WDCP: variants seen among roughly 807,000 people sequenced by gnomAD.
WDCP encodes the protein WD repeat and coiled-coil-containing protein.
Under a neutral mutation model 41.6 loss-of-function variants are expected in WDCP, and 19 were observed. That is an observed-to-expected ratio of 0.46 (90% CI 0.32 to 0.67). The LOEUF (loss-of-function observed/expected upper bound fraction) is 0.67. Among genes scored for constraint, WDCP ranks in the 30% least tolerant of loss-of-function variants. The pLI is 0.04. For synonymous variants in WDCP, 302 were observed against 320.8 expected, an observed-to-expected ratio of 0.94 and a Z score of 0.63; for missense variants, 802 against 850.7, an observed-to-expected ratio of 0.94 and a Z score of 0.71.
intron 2 of WDCP, 107 bp downstream of exon 2, chr2:24,037,570 G>A: frequency 7.9e-7 from 1 of 1,272,632 alleles, no homozygotes. Flanking sequence ...GCCCAGCTTA[G>A]TGAAGCTCAG....
Position 24,038,925 on chromosome 2 carries a change from A to G in WDCP, c.570T>C (p.Thr190=), listed in dbSNP as rs1347053027. Residue 190 remains threonine, a synonymous_variant, in exon 2 of 4, where the codon ACT becomes ACC. Coordinates refer to ENST00000295148, the MANE Select transcript of WDCP (RefSeq NM_025203.3). The part of the protein sequence containing the change: ...HSYIWDSAQK[T]LHRCSSCLVF... Reference sequence around the variant, plus strand: ...CCAGGCAGGAGGAGCACCTGTGAAGAGTCTTCTGAGCGCTGTCCCAAATAT... The same window carrying G: ...CCAGGCAGGAGGAGCACCTGTGAAGGGTCTTCTGAGCGCTGTCCCAAATAT... The G allele has an allele frequency of 6.2e-7, 1 of 1,614,098 alleles. No homozygotes were observed. The highest frequency in any genetic ancestry group is 8.5e-7 in the Non-Finnish European group (1 of 1,180,044).
chr2:24,039,278 TATC>T lies in WDCP; in HGVS notation c.214_216del (p.Asp72del), dbSNP rs1319955134. On this transcript the variant is annotated inframe_deletion, in exon 2 of 4. Coordinates refer to ENST00000295148, the MANE Select transcript of WDCP (RefSeq NM_025203.3). ...TGCTGGACAGCGAGTAGAACAGGTG[TATC>T]ATCTGCAACAGGTGGGGCCCAGGAC... The T allele has an allele frequency of 4.3e-6, 7 of 1,614,202 alleles. No homozygotes were observed. Among genetic ancestry groups the T allele is most frequent in the Non-Finnish European group, 5.9e-6 (7 of 1,180,034 alleles).
In WDCP at chr2:24,041,145, C is replaced by A. The variant is rs889241058; in HGVS notation, c.-18-1633G>T. On this transcript the variant is annotated intron_variant, in intron 1 of 3. Transcript: ENST00000295148. The stretch of plus-strand genomic sequence containing the variant: ...CCTGAGGTCAGGAGTTTGAGACCAG[C>A]CTGGCCAACATGGTGTAACCCTGTT... Among the ~76,000 whole-genome samples, 6 of 151,996 alleles carry A rather than the reference C, an allele frequency of 3.9e-5. No homozygotes were observed. The East Asian group carries it at 1.2e-3, about 29-fold the overall frequency.
In WDCP at chr2:24,032,880, G is replaced by A. The variant is rs377371235; in HGVS notation, c.1885C>T (p.Leu629Phe). The change falls in exon 3 of 4, where the codon CTC becomes TTC. Residue 629 changes from leucine (L) to phenylalanine (F), a missense_variant. Transcript: ENST00000295148. ...AVLLCDGKLR[L>F]STVQQTFGLS... ...CCAAAAGTCTGCTGAACTGTACTGAGCCTTAGTTTACCATCACAGAGAAGC... is the reference window on the plus strand; with the variant it reads ...CCAAAAGTCTGCTGAACTGTACTGAACCTTAGTTTACCATCACAGAGAAGC... The A allele has an allele frequency of 6.8e-6, 11 of 1,613,830 alleles. No homozygotes were observed. The highest frequency in any genetic ancestry group is 8.5e-6 in the Non-Finnish European group (10 of 1,179,804).
At chr2:24,036,171 A>T (rs1487063351) in intron 2 of WDCP, among the ~76,000 whole-genome samples, 1 of 151,846 alleles carries the variant, frequency 6.6e-6, no homozygotes, top group Non-Finnish European at 1.5e-5. Flanking sequence ...TACTACTGAA[A>T]ACTCCATGTA....
chr2:24,043,526 C>A (rs1236164852), intron 1 of WDCP, among the ~76,000 whole-genome samples: 5 of 152,034 alleles, frequency 3.3e-5, no homozygotes, highest in Admixed American at 3.3e-4. Context: ...AACCCCCCAA[C>A]AATCTACAAA....
chr2:24,037,720 T>A lies in WDCP; in HGVS notation c.1775A>T (p.Tyr592Phe), dbSNP rs750056319. 4 of 1,614,044 alleles carry A rather than the reference T, an allele frequency of 2.5e-6. No homozygotes were observed. The highest frequency in any genetic ancestry group is 2.5e-6 in the Non-Finnish European group (3 of 1,179,978). Residue 592 changes from tyrosine to phenylalanine, a missense_variant, in exon 2 of 4, where the codon TAT (tyrosine) becomes TTT (phenylalanine). Tyr to Phe is a conservative substitution (Grantham distance 22). Transcript: ENST00000295148. Reference sequence around the variant, plus strand: ...ATAAGGAAGATCTTGAGAGAGTGGATACACTGAAGAGGATTTCTTCCCATT... The same window carrying A: ...ATAAGGAAGATCTTGAGAGAGTGGAAACACTGAAGAGGATTTCTTCCCATT... ...LHNGKKSSSV[Y>F]PLSQDLPYVH...
intron 3 of WDCP, 98 bp from the exon 4 acceptor site, chr2:24,031,260 T>A: frequency 1.3e-6 from 1 of 747,948 alleles, no homozygotes; most frequent in South Asian, 1.9e-5. Context: ...AGGAATATAG[T>A]AGTTGATAAT....
intron 3 of WDCP, among the ~76,000 whole-genome samples, chr2:24,032,350 A>G (rs559491519): frequency 5.0e-4 from 76 of 152,320 alleles, no homozygotes; most frequent in Admixed American, 3.5e-3. Flanking sequence ...AAAATACAAA[A>G]AATTAGCCAG....
chr2:24,038,259 T>C lies in WDCP; in HGVS notation c.1236A>G (p.Thr412=). The C allele has an allele frequency of 6.2e-7, 1 of 1,614,122 alleles. No individual in the cohort carries two copies. Among genetic ancestry groups the C allele is most frequent in the Middle Eastern group, 1.6e-4 (1 of 6,062 alleles). The stretch of plus-strand genomic sequence containing the variant: ...GATCAGACTTTGAAGAAGGAAGAAA[T>C]GTTGTATCAGTGAGTTTTTGTTTTC... ...LVGKQKLTDT[T]FLPSSKSDQY... The change falls in exon 2 of 4, where the codon ACA becomes ACG. Residue 412 remains threonine, a synonymous_variant. Coordinates refer to ENST00000295148, the MANE Select transcript of WDCP (RefSeq NM_025203.3).
Position 24,037,841 on chromosome 2 carries a change from T to G in WDCP, c.1654A>C (p.Lys552Gln). ...TCCTTAGACAGCTGATAAGTTTCCT[T>G]TTCACTTTGTAAGTTCTTTCTTTGA... Reference protein sequence around the residue: ...LPQRKNLQSEKETYQLSKEVE... With the variant: ...LPQRKNLQSEQETYQLSKEVE... The change falls in exon 2 of 4, where the codon AAG (lysine) becomes CAG (glutamine). Residue 552 changes from lysine (K) to glutamine (Q), a missense_variant. Coordinates refer to ENST00000295148, the MANE Select transcript of WDCP (RefSeq NM_025203.3). 1 of 1,614,210 alleles carries G rather than the reference T, an allele frequency of 6.2e-7. No homozygotes were observed. The highest frequency in any genetic ancestry group is 8.5e-7 in the Non-Finnish European group (1 of 1,180,036).
At chr2:24,033,417 A>T (rs1663155318) in intron 2 of WDCP, among the ~76,000 whole-genome samples, 2 of 152,230 alleles carry the variant, frequency 1.3e-5, no homozygotes, top group Non-Finnish European at 2.9e-5. Context: ...AAAAAGCACA[A>T]ATAAAAATAA....
chr2:24,047,391 T>C lies in WDCP; in HGVS notation c.-96A>G, dbSNP rs1463929119. The C allele has an allele frequency of 6.6e-6, 1 of 152,192 alleles. No individual in the cohort carries two copies. Among genetic ancestry groups the C allele is most frequent in the Non-Finnish European group, 1.5e-5 (1 of 68,064 alleles). The allele number at this position is 152,192 out of a possible 1,614,324, so 9.4% of individuals were successfully genotyped here. On this transcript the variant is annotated 5_prime_UTR_variant, in exon 1 of 4. Coordinates refer to ENST00000295148, the MANE Select transcript of WDCP (RefSeq NM_025203.3). ...TCACGCCGCCGCACATAAGAAGTTC[T>C]GGGCAGCCACCGGAAGCACCGGCCC...
intron 1 of WDCP, 130 bp from the exon 2 acceptor site, chr2:24,039,642 G>A: frequency 1.4e-6 from 1 of 734,504 alleles, no homozygotes; most frequent in Non-Finnish European, 2.2e-6. Context: ...GACAGGGGGA[G>A]TATTATAAAT....
At chr2:24,045,550 G>A (rs1286348428) in intron 1 of WDCP, among the ~76,000 whole-genome samples, 2 of 147,754 alleles carry the variant, frequency 1.4e-5, no homozygotes, top group African/African-American at 2.5e-5. Flanking sequence ...GCAGTGAGCC[G>A]AGTTTGCGCC....
chr2:24,043,411 C>T (rs1469967281), intron 1 of WDCP, among the ~76,000 whole-genome samples: 2 of 151,950 alleles, frequency 1.3e-5, no homozygotes. Context: ...TTTAGGAGGC[C>T]AAGGCAGAAG....
In WDCP at chr2:24,029,536, T is replaced by C. The variant is rs572167949; in HGVS notation, c.*1397A>G. The C allele has an allele frequency of 2.0e-5, 3 of 152,310 alleles. No homozygotes were observed. In the South Asian group the frequency reaches 6.2e-4, roughly 32 times the overall value. 9.4% of individuals were successfully genotyped at this position (152,310 alleles called of 1,614,324 possible). A position where few individuals can be genotyped will look rare whatever the true frequency, so the allele number is the denominator to read the frequency against. On this transcript the variant is annotated 3_prime_UTR_variant, in exon 4 of 4. Coordinates refer to ENST00000295148, the MANE Select transcript of WDCP (RefSeq NM_025203.3). ...CCAAGTGGAGCCAGGCCTCAGACTGTTCTCAGTCACTGCTCTCCCACAGCT... is the reference window on the plus strand; with the variant it reads ...CCAAGTGGAGCCAGGCCTCAGACTGCTCTCAGTCACTGCTCTCCCACAGCT...
chr2:24,038,715 C>T lies in WDCP; in HGVS notation c.780G>A (p.Met260Ile). ...ALPVIGEVRS[M>I]DKEATDSETN... Reference sequence around the variant, plus strand: ...TTTCAGAATCAGTTGCCTCTTTATCCATAGAGCGTACTTCACCAATAACTG... The same window carrying T: ...TTTCAGAATCAGTTGCCTCTTTATCTATAGAGCGTACTTCACCAATAACTG... The change falls in exon 2 of 4, where the codon ATG becomes ATA. Residue 260 changes from methionine to isoleucine, a missense_variant. By Grantham distance (10) the Met-to-Ile change is conservative. Around this residue, in one of 5 missense-constraint regions of WDCP, gnomAD observed 247 missense variants for 240.5 expected, o/e 1.03. Transcript: ENST00000295148. The T allele has an allele frequency of 6.2e-7, 1 of 1,614,160 alleles. No homozygotes were observed.
Position 24,033,018 on chromosome 2 carries a change from T to C in WDCP, c.1819-72A>G, listed in dbSNP as rs1357387925. ...GAGTTAACATTTCTTAAGAAAGGAATGTGTAAATAGTTTTTTAAAAAATTC... is the reference window on the plus strand; with the variant it reads ...GAGTTAACATTTCTTAAGAAAGGAACGTGTAAATAGTTTTTTAAAAAATTC... On this transcript the variant is annotated intron_variant, in intron 2 of 3. Transcript: ENST00000295148. 4.0e-6 allele frequency: 4 copies of C among 1,001,854 alleles called. No homozygotes were observed. In the East Asian group the frequency reaches 9.5e-5, roughly 24 times the overall value. The allele number at this position is 1,001,854 out of a possible 1,614,324, so 62.1% of individuals were successfully genotyped here. A position where few individuals can be genotyped will look rare whatever the true frequency, so the allele number is the denominator to read the frequency against.
Sources: allele counts gnomAD v4.1 joint callset (sites outside exome capture counted in the v4.1 genomes callset), GRCh38; gene constraint gnomAD v4.1.1; regional missense constraint gnomAD v4.1.1; transcripts MANE v1.5; gene names NCBI Gene and HGNC (gene_info 2026-07-23, HGNC 2026-07-21).